RPGRIP1L: variants seen among roughly 807,000 people sequenced by gnomAD.
RPGRIP1L encodes protein fantom.
RPGRIP1L carries 131 observed loss-of-function variants against 160.4 expected under a neutral mutation model. The observed-to-expected ratio is 0.82, with a 90% CI of 0.71 to 0.94. RPGRIP1L has a LOEUF of 0.94. Ranked by LOEUF, RPGRIP1L falls within the 40% of genes least tolerant of loss-of-function variation. The pLI, the probability that RPGRIP1L is intolerant of heterozygous loss-of-function variation, is 0.00. For missense variants in RPGRIP1L, 1,522 were observed against 1,535.8 expected, an observed-to-expected ratio of 0.99 and a Z score of 0.15; for synonymous variants, 510 against 515.8, an observed-to-expected ratio of 0.99 and a Z score of 0.15.
chr16:53,616,363 A>G (rs940313711), intron 24 of RPGRIP1L, among the ~76,000 whole-genome samples: 1 of 152,232 alleles, frequency 6.6e-6, no homozygotes, highest in Non-Finnish European at 1.5e-5. Context: ...AAATATAATA[A>G]TTTTAAAATA....
rs750318583 is a variant in RPGRIP1L, at chr16:53,643,578, GTGT to G, written c.2683+2044_2683+2046del. Among the ~76,000 whole-genome samples the G allele has an allele frequency of 5.3e-4, 80 of 152,242 alleles. 1 individual carries two copies. The highest frequency in any genetic ancestry group is 3.1e-3 in the East Asian group (16 of 5,168). On this transcript the variant is annotated intron_variant, in intron 17 of 26. Coordinates refer to ENST00000647211, the MANE Select transcript of RPGRIP1L (RefSeq NM_015272.5). ...AAAGGTGGAAACCTACTGGCTCAAG[GTGT>G]TTAAGCACACCTTTGAACAATCACT...
intron 14 of RPGRIP1L, among the ~76,000 whole-genome samples, chr16:53,654,455 A>G (rs1011290623): frequency 1.3e-5 from 2 of 152,138 alleles, no homozygotes; most frequent in African/African-American, 2.4e-5. Flanking sequence ...TTAGTAGTGA[A>G]TTCTGTCATC....
intron 2 of RPGRIP1L, among the ~76,000 whole-genome samples, chr16:53,698,006 G>A (rs1291422377): frequency 1.3e-5 from 2 of 150,416 alleles, no homozygotes; most frequent in African/African-American, 2.5e-5. Context: ...GAGCGCCTTT[G>A]CCCTGCCGCC....
In RPGRIP1L at chr16:53,688,157, AC is replaced by A. The variant is rs370361400; in HGVS notation, c.530-193del. 1.8e-3 allele frequency among the ~76,000 whole-genome samples: 274 copies of A among 152,210 alleles called. 1 individual carries two copies. Among genetic ancestry groups the A allele is most frequent in the African/African-American group, 6.2e-3 (257 of 41,580 alleles). ...CAGCCACCAGTAGGCATTAAATAAA[AC>A]ACAGCAGCAAGTATTGCTCATTTTA... On this transcript the variant is annotated intron_variant, in intron 4 of 26. Transcript: ENST00000647211.
chr16:53,674,429 G>C (rs1200420901), intron 7 of RPGRIP1L, among the ~76,000 whole-genome samples: 1 of 152,096 alleles, frequency 6.6e-6, no homozygotes, highest in Non-Finnish European at 1.5e-5. Context: ...CACAGTCCTT[G>C]TTAAAACAAC....
At chr16:53,624,396 C>CA (rs11322448) in intron 22 of RPGRIP1L, among the ~76,000 whole-genome samples, 2 of 151,850 alleles carry the variant, frequency 1.3e-5, no homozygotes, top group East Asian at 1.9e-4. Flanking sequence ...ATTAAAAATA[C>CA]AAAAAAATTA....
intron 22 of RPGRIP1L, 142 bp from the exon 23 acceptor site, chr16:53,622,498 C>T: frequency 2.2e-6 from 1 of 447,020 alleles, no homozygotes. Flanking sequence ...TTTCCTATCT[C>T]AGCCGATGAC....
chr16:53,663,536 C>T lies in RPGRIP1L; in HGVS notation c.1243+1334G>A, dbSNP rs1967986782. Among the ~76,000 whole-genome samples the T allele has an allele frequency of 2.6e-5, 4 of 152,032 alleles. No homozygotes were observed. The South Asian group carries it at 8.3e-4, about 32-fold the overall frequency. On this transcript the variant is annotated intron_variant, in intron 10 of 26. Coordinates refer to ENST00000647211, the MANE Select transcript of RPGRIP1L (RefSeq NM_015272.5). ...ATATAGAGCACTTCCACATTTTTAC[C>T]TAAACAATAATTTATTGAGCAATTA... is the stretch of plus-strand genomic sequence containing the variant.
At position 53,682,026 on chromosome 16, in the gene RPGRIP1L, CA is replaced by C. The variant is rs568816744; in HGVS notation, c.776+4406del. Among the ~76,000 whole-genome samples the C allele has an allele frequency of 2.6e-4, 40 of 151,994 alleles. No homozygotes were observed. The East Asian group carries it at 3.9e-3, about 15-fold the overall frequency. ...TTTTTCAATAGTTTTCCATTAGTCT[CA>C]AAAAAATTGCTGTTACATATAAAAT... is the stretch of plus-strand genomic sequence containing the variant. On this transcript the variant is annotated intron_variant, in intron 6 of 26. Coordinates refer to ENST00000647211, the MANE Select transcript of RPGRIP1L (RefSeq NM_015272.5).
intron 26 of RPGRIP1L, among the ~76,000 whole-genome samples, chr16:53,603,010 T>C (rs1011212225): frequency 1.1e-4 from 17 of 152,180 alleles, no homozygotes; most frequent in Non-Finnish European, 2.2e-4. Flanking sequence ...TTTGAGTATA[T>C]GTAGGATTTT....
chr16:53,612,522 A>G (rs2150944015), intron 24 of RPGRIP1L, among the ~76,000 whole-genome samples: 1 of 147,286 alleles, frequency 6.8e-6, no homozygotes, highest in East Asian at 2.0e-4. Flanking sequence ...TTAATTACCA[A>G]TTCAAGATGT....
intron 5 of RPGRIP1L, 52 bp from the exon 6 acceptor site, chr16:53,686,628 T>C (rs764165899): frequency 1.9e-6 from 3 of 1,590,448 alleles, no homozygotes; most frequent in Admixed American, 3.3e-5. Flanking sequence ...AATTTTTCAA[T>C]AGTTAAGATC....
chr16:53,633,815 A>G (rs542286103), intron 22 of RPGRIP1L, among the ~76,000 whole-genome samples: 2 of 152,340 alleles, frequency 1.3e-5, no homozygotes, highest in African/African-American at 4.8e-5. Context: ...CTATGAATCC[A>G]GGTAAGGAAT....
At chr16:53,619,404 C>T (rs1028463721) in intron 23 of RPGRIP1L, among the ~76,000 whole-genome samples, 196 bp from the exon 24 acceptor site, 27 of 152,104 alleles carry the variant, frequency 1.8e-4, no homozygotes, top group Non-Finnish European at 3.4e-4. Flanking sequence ...ATGCTAATGC[C>T]CCAGGGTTTG....
chr16:53,678,841 A>T (rs999132045), intron 6 of RPGRIP1L, among the ~76,000 whole-genome samples: 1 of 152,208 alleles, frequency 6.6e-6, no homozygotes, highest in African/African-American at 2.4e-5. Context: ...TTTTCTTTTC[A>T]AACAGTGGCA....
At chr16:53,645,575 T>A (rs1309275592) in intron 17 of RPGRIP1L, 50 bp downstream of exon 17, 2 of 1,552,612 alleles carry the variant, frequency 1.3e-6, no homozygotes, top group Non-Finnish European at 1.8e-6. Context: ...CACTAAGGTA[T>A]AATTTTGTTT....
chr16:53,616,696 T>C (rs1393869709), intron 24 of RPGRIP1L, among the ~76,000 whole-genome samples: 3 of 152,172 alleles, frequency 2.0e-5, no homozygotes, highest in East Asian at 1.9e-4. Flanking sequence ...TGCTATCAAA[T>C]GATTGATTCA....
chr16:53,689,517 T>C (rs1250186886), intron 4 of RPGRIP1L, among the ~76,000 whole-genome samples: 1 of 152,206 alleles, frequency 6.6e-6, no homozygotes, highest in Non-Finnish European at 1.5e-5. Context: ...ATAATAAGTA[T>C]TGTTTCTATA....
At chr16:53,651,455 A>G (rs1419817593) in intron 15 of RPGRIP1L, among the ~76,000 whole-genome samples, 1 of 152,118 alleles carries the variant, frequency 6.6e-6, no homozygotes, top group East Asian at 1.9e-4. Flanking sequence ...CAGAAAATCC[A>G]AACTCCTCAC....
Sources: gnomAD v4.1 joint callset for allele counts (sites outside exome capture counted in the v4.1 genomes callset) on GRCh38, gnomAD v4.1.1 for gene constraint, MANE v1.5 for transcripts, NCBI Gene and HGNC (gene_info 2026-07-23, HGNC 2026-07-21) for gene names.